Variants in FHOD1 observed in about 807,000 individuals in gnomAD.
FHOD1 encodes formin homology 2 domain containing 1.
A neutral mutation model predicts 111.6 loss-of-function variants in FHOD1; 89 were observed. The observed-to-expected ratio is 0.80, with a 90% CI of 0.67 to 0.95. The LOEUF is 0.95. Among genes scored for constraint, FHOD1 ranks in the 40% least tolerant of loss-of-function variants. The pLI is 0.00. For missense variants in FHOD1, 1,446 were observed against 1,554.2 expected (o/e 0.93, Z 1.17); for synonymous variants, 618 against 639.0 (o/e 0.97, Z 0.50).
Position 67,231,104 on chromosome 16 carries a change from TGGGGAGAA to T in FHOD1, c.2667+76_2667+83del, listed in dbSNP as rs2034249543. 3.2e-6 allele frequency: 5 copies of T among 1,543,114 alleles called. No individual in the cohort carries two copies. The South Asian group carries it at 6.1e-5, about 19-fold the overall frequency. On this transcript the variant is annotated intron_variant, in intron 17 of 21. Transcript: ENST00000258201. This position sits in a 1 kb window ranked among gnomAD's most constrained non-coding sequence, Gnocchi z 4.3. ...GCAAGCCCTGGCACAGCAGCCCAAA[TGGGGAGAA>T]GGGGGAGGAGCCAGGCCCAGGAAGC...
intron 1 of FHOD1, among the ~76,000 whole-genome samples, chr16:67,243,714 C>CAAGAGCTG (rs1400832100): frequency 1.3e-5 from 2 of 152,148 alleles, no homozygotes; most frequent in Admixed American, 6.5e-5. Flanking sequence ...GAAGGATTGC[C>CAAGAGCTG]AAGAGCTGAA....
chr16:67,231,675 G>A lies in FHOD1; in HGVS notation c.2347C>T (p.Leu783Phe). 6.2e-7 allele frequency: 1 copy of A among 1,614,196 alleles called. No homozygotes were observed. The highest frequency in any genetic ancestry group is 8.5e-7 in the Non-Finnish European group (1 of 1,180,040). ...TCATAGTCCAGCTTGAAGGCCCAGA[G>A]TTGTAGACGAGCAGCGAGGCCGCCA... ...SIGGLAARLQ[L>F]WAFKLDYDSM... Residue 783 changes from leucine to phenylalanine, a missense_variant, in exon 15 of 22, where the codon CTC becomes TTC. Transcript: ENST00000258201. This position sits in a 1 kb window ranked among gnomAD's most constrained non-coding sequence, Gnocchi z 4.3.
intron 1 of FHOD1, among the ~76,000 whole-genome samples, chr16:67,246,265 C>T (rs1411356248): frequency 6.6e-6 from 1 of 152,174 alleles, no homozygotes; most frequent in East Asian, 1.9e-4. Flanking sequence ...GGAGGGCACC[C>T]ACCCCGACTC....
At position 67,239,380 on chromosome 16, in the gene FHOD1, C is replaced by G; in HGVS notation, c.276G>C (p.Arg92=). The change falls in exon 2 of 22, where the codon CGG becomes CGC. Residue 92 remains arginine (R), a synonymous_variant. Coordinates refer to ENST00000258201, the MANE Select transcript of FHOD1 (RefSeq NM_013241.3). ...CTTCATAGAAGCCCTCCAGCATCTC[C>G]CGCTGCTCTTCCAGGGACAGCTCGG... is the stretch of plus-strand genomic sequence containing the variant. ...LDTELSLEEQ[R]EMLEGFYEEI... 6.2e-7 allele frequency: 1 copy of G among 1,614,142 alleles called. No individual in the cohort carries two copies. Among genetic ancestry groups the G allele is most frequent in the Non-Finnish European group, 8.5e-7 (1 of 1,179,988 alleles).
intron 1 of FHOD1, among the ~76,000 whole-genome samples, chr16:67,245,760 G>A (rs989630155): frequency 6.6e-6 from 1 of 151,594 alleles, no homozygotes; most frequent in Non-Finnish European, 1.5e-5. Flanking sequence ...AAAAAAAATC[G>A]GGGGGGTGGT....
chr16:67,236,566 C>T lies in FHOD1; in HGVS notation c.1310G>A (p.Ser437Asn). 1 of 1,613,078 alleles carries T rather than the reference C, an allele frequency of 6.2e-7. No individual in the cohort carries two copies. The highest frequency in any genetic ancestry group is 8.5e-7 in the Non-Finnish European group (1 of 1,179,644). The change falls in exon 11 of 22, where the codon AGC becomes AAC. Residue 437 changes from serine to asparagine, a missense_variant. Coordinates refer to ENST00000258201, the MANE Select transcript of FHOD1 (RefSeq NM_013241.3). The stretch of plus-strand genomic sequence containing the variant: ...CTGTCTCCCTACTTACTTGTAGATG[C>T]TCCTCTCGCTGGAGGTGTCAGCTGA... ...APSADTSSER[S>N]IYKARFLENV...
chr16:67,237,387 A>T lies in FHOD1; in HGVS notation c.850-5T>A, dbSNP rs1007734808. Reference sequence around the variant, plus strand: ...GTCCGGGAGCGCCGCCAGCGTCTGGAGGGCGGGGATAAGAAGGCAAGGCTG... The same window carrying T: ...GTCCGGGAGCGCCGCCAGCGTCTGGTGGGCGGGGATAAGAAGGCAAGGCTG... On this transcript the variant is annotated splice_polypyrimidine_tract_variant and splice_region_variant and intron_variant, in intron 8 of 21. Transcript: ENST00000258201. This position sits in a 1 kb window ranked among gnomAD's most constrained non-coding sequence, Gnocchi z 5.6. 3 of 1,613,738 alleles carry T rather than the reference A, an allele frequency of 1.9e-6. No homozygotes were observed. The highest frequency in any genetic ancestry group is 2.5e-6 in the Non-Finnish European group (3 of 1,179,692).
At position 67,237,581 on chromosome 16, in the gene FHOD1, A is replaced by G; in HGVS notation, c.755-12T>C. ...CCAGGGAGGAGCACCTGCCACACAG[A>G]AAGTGGAGCAGTCATGGGGGAACAG... On this transcript the variant is annotated splice_polypyrimidine_tract_variant and intron_variant, in intron 7 of 21. Coordinates refer to ENST00000258201, the MANE Select transcript of FHOD1 (RefSeq NM_013241.3). This position sits in a 1 kb window ranked among gnomAD's most constrained non-coding sequence, Gnocchi z 5.6. 1.2e-6 allele frequency: 2 copies of G among 1,613,822 alleles called. No homozygotes were observed. The highest frequency in any genetic ancestry group is 1.1e-5 in the South Asian group (1 of 91,080).
At chr16:67,244,231 T>C (rs187162121) in intron 1 of FHOD1, among the ~76,000 whole-genome samples, 1 of 152,196 alleles carries the variant, frequency 6.6e-6, no homozygotes, top group East Asian at 1.9e-4. Context: ...GAGAAGTCAG[T>C]GCTATACCAG....
Position 67,231,797 on chromosome 16 carries a change from G to T in FHOD1, c.2225C>A (p.Thr742Lys), listed in dbSNP as rs750497587. 1.9e-6 allele frequency: 3 copies of T among 1,614,104 alleles called. No homozygotes were observed. The highest frequency in any genetic ancestry group is 2.5e-6 in the Non-Finnish European group (3 of 1,179,994). Residue 742 changes from threonine to lysine, a missense_variant, in exon 15 of 22, where the codon ACG becomes AAG. This residue lies in a region of FHOD1 where 1,085 missense variants were observed against 1,108.8 expected (regional missense o/e 0.98). Coordinates refer to ENST00000258201, the MANE Select transcript of FHOD1 (RefSeq NM_013241.3). The surrounding 1 kb of genome is among the most constrained non-coding windows in gnomAD (Gnocchi z 4.3). ...GIEKLLTMMP[T>K]EEERQKIEEA... The stretch of plus-strand genomic sequence containing the variant: ...CTCAATCTTCTGCCGCTCTTCCTCC[G>T]TGGGCATCATGGTCAGTAGCTTCTG...
intron 1 of FHOD1, among the ~76,000 whole-genome samples, chr16:67,241,975 C>CT (rs367557091): frequency 4.0e-4 from 59 of 147,452 alleles, no homozygotes; most frequent in Admixed American, 8.8e-4. Flanking sequence ...AGTCCACCTT[C>CT]TTTTTTTTTT....
chr16:67,232,007 TCCC>T (rs760044647), intron 14 of FHOD1, 29 bp downstream of exon 14: 2 of 1,611,080 alleles, frequency 1.2e-6, no homozygotes, highest in African/African-American at 1.3e-5. Flanking sequence ...AGGCCAGACC[TCCC>T]CCCAACACCC....
rs1415373890 is a variant in FHOD1, at chr16:67,247,209, C to T, written c.201+1G>A. 1 of 1,567,254 alleles carries T rather than the reference C, an allele frequency of 6.4e-7. No homozygotes were observed. The highest frequency in any genetic ancestry group is 1.2e-5 in the South Asian group (1 of 86,186). The stretch of plus-strand genomic sequence containing the variant: ...CCCAACCTTTCTCCGGCCTCCCTCA[C>T]CTTGAGCGGCGCTCCCAGCAGGCGG... On this transcript the variant is annotated splice_donor_variant, in intron 1 of 21. Coordinates refer to ENST00000258201, the MANE Select transcript of FHOD1 (RefSeq NM_013241.3). LOFTEE classifies it high-confidence loss of function.
chr16:67,241,028 C>G (rs1432361528), intron 1 of FHOD1, among the ~76,000 whole-genome samples: 1 of 152,122 alleles, frequency 6.6e-6, no homozygotes, highest in Non-Finnish European at 1.5e-5. Flanking sequence ...TGCCTCAACC[C>G]CTACCTCTGT....
At chr16:67,230,895 C>T (rs941514075) in intron 17 of FHOD1, 104 bp from the exon 18 acceptor site, 7 of 1,220,876 alleles carry the variant, frequency 5.7e-6, no homozygotes, top group Non-Finnish European at 8.0e-6. Flanking sequence ...GCCCTAAGGA[C>T]ACAGACATCC....
At chr16:67,236,889 TG>T (rs1364433644) in intron 10 of FHOD1, 76 bp downstream of exon 10, 6 of 1,325,272 alleles carry the variant, frequency 4.5e-6, no homozygotes, top group Non-Finnish European at 5.9e-6. Context: ...CTGAGGGGGT[TG>T]GGGTCAGGGC....
chr16:67,238,031 T>C lies in FHOD1; in HGVS notation c.642+3A>G. ...GTATAAGGCTGAGTGGAGAGCCACT[T>C]ACCAGGCTGGCACACAATGTGTACA... On this transcript the variant is annotated splice_donor_region_variant and intron_variant, in intron 6 of 21. Transcript: ENST00000258201. This position sits in a 1 kb window ranked among gnomAD's most constrained non-coding sequence, Gnocchi z 4.2. 1 of 1,613,850 alleles carries C rather than the reference T, an allele frequency of 6.2e-7. No individual in the cohort carries two copies. The highest frequency in any genetic ancestry group is 8.5e-7 in the Non-Finnish European group (1 of 1,179,858).
Position 67,231,921 on chromosome 16 carries a change from T to C in FHOD1, c.2203-102A>G. 2 of 1,541,786 alleles carry C rather than the reference T, an allele frequency of 1.3e-6. No homozygotes were observed. The highest frequency in any genetic ancestry group is 1.8e-6 in the Non-Finnish European group (2 of 1,139,042). On this transcript the variant is annotated intron_variant, in intron 14 of 21. Coordinates refer to ENST00000258201, the MANE Select transcript of FHOD1 (RefSeq NM_013241.3). The surrounding 1 kb of genome is among the most constrained non-coding windows in gnomAD (Gnocchi z 4.3). ...GTCATCTAGGGGAGGCCCCAGTGTC[T>C]GGGGACTGCCCTGCAGAAATGCCAA...
At chr16:67,240,284 T>C (rs1243277164) in intron 1 of FHOD1, among the ~76,000 whole-genome samples, 2 of 152,136 alleles carry the variant, frequency 1.3e-5, no homozygotes, top group Non-Finnish European at 1.5e-5. Context: ...CTCAGCACTT[T>C]GGGAGGCTGA....
Sources: allele counts gnomAD v4.1 joint callset (sites outside exome capture counted in the v4.1 genomes callset), GRCh38; gene constraint gnomAD v4.1.1; regional missense constraint gnomAD v4.1.1; non-coding constraint Gnocchi (gnomAD v3.1); transcripts MANE v1.5; gene names NCBI Gene and HGNC (gene_info 2026-07-23, HGNC 2026-07-21).